The following AFF3 variants were observed in gnomAD, a reference collection of about 807,000 sequenced individuals.
AFF3 encodes the protein ALF transcription elongation factor 3, also known as AF4/FMR2 family member 3.
AFF3 carries 32 observed loss-of-function variants against 129.7 expected under a neutral mutation model. The ratio of observed to expected loss-of-function variants is 0.25; its 90% CI spans 0.19 to 0.33. AFF3 has a LOEUF of 0.33. Among genes scored for constraint, AFF3 ranks in the 10% least tolerant of loss-of-function variants. The pLI is 1.00. For synonymous variants in AFF3, 644 were observed against 635.4 expected, an observed-to-expected ratio of 1.01 and a Z score of -0.20; for missense variants, 1,373 against 1,592.0, an observed-to-expected ratio of 0.86 and a Z score of 2.34.
chr2:99,768,381 T>C (rs934173393), intron 8 of AFF3, among the ~76,000 whole-genome samples: 45 of 152,204 alleles, frequency 3.0e-4, no homozygotes, highest in African/African-American at 1.0e-3. Context: ...TATATTAATA[T>C]ATGTATATTT....
At chr2:99,893,610 G>A (rs992638792) in intron 7 of AFF3, among the ~76,000 whole-genome samples, 1 of 152,184 alleles carries the variant, frequency 6.6e-6, no homozygotes, top group South Asian at 2.1e-4. Flanking sequence ...CTGATCCTGA[G>A]CTTTTCAGCC....
intron 7 of AFF3, among the ~76,000 whole-genome samples, chr2:99,878,013 CA>C (rs1206841624): frequency 9.2e-5 from 14 of 152,150 alleles, no homozygotes; most frequent in African/African-American, 3.1e-4. Context: ...GTTCCACAGA[CA>C]TGATACTATC....
rs1558670404 is a variant in AFF3, at chr2:99,632,007, A to AT, written c.1184+17618_1184+17619insA. On this transcript the variant is annotated intron_variant, in intron 13 of 24. Coordinates refer to ENST00000672756, the MANE Select transcript of AFF3 (RefSeq NM_001386135.1). ...CCAATTTATCCACAACCTTGCCAAC[A>AT]CTTTTTTTTTTTTTTTTTTTTTTTT... Among the ~76,000 whole-genome samples, 272 of 77,938 alleles carry AT rather than the reference A, an allele frequency of 3.5e-3. 4 individuals are homozygous for AT. Among genetic ancestry groups the AT allele is most frequent in the African/African-American group, 0.013 (259 of 19,206 alleles). The allele number at this position is 77,938 out of a possible 152,430, so 51.1% of individuals were successfully genotyped here. A position where few individuals can be genotyped will look rare whatever the true frequency, so the allele number is the denominator to read the frequency against.
At chr2:99,573,327 G>A (rs1350913623) in intron 18 of AFF3, among the ~76,000 whole-genome samples, 1 of 151,960 alleles carries the variant, frequency 6.6e-6, no homozygotes, top group Non-Finnish European at 1.5e-5. Flanking sequence ...AGAAGCTCCT[G>A]GCCTTGAGAC....
intron 7 of AFF3, among the ~76,000 whole-genome samples, chr2:99,916,119 C>G (rs1695458872): frequency 6.6e-6 from 1 of 152,128 alleles, no homozygotes; most frequent in Non-Finnish European, 1.5e-5. Flanking sequence ...GGAAAAACCC[C>G]ATAACAAATC....
At position 99,672,187 on chromosome 2, in the gene AFF3, C is replaced by T. The variant is rs1687214835; in HGVS notation, c.1143+351G>A. On this transcript the variant is annotated intron_variant, in intron 12 of 24. Coordinates refer to ENST00000672756, the MANE Select transcript of AFF3 (RefSeq NM_001386135.1). ...AAGGCCAGTTAGCTTCTCACACACA[C>T]ACACACACACACACACACACACACA... is the stretch of plus-strand genomic sequence containing the variant. Among the ~76,000 whole-genome samples, 4 of 21,446 alleles carry T rather than the reference C, an allele frequency of 1.9e-4. No individual in the cohort carries two copies. In the African/African-American group the frequency reaches 4.7e-3, roughly 25 times the overall value. The allele number at this position is 21,446 out of a possible 152,430, so 14.1% of individuals were successfully genotyped here.
In AFF3 at chr2:99,769,566, G is replaced by A. The variant is rs1280963711; in HGVS notation, c.922-17265C>T. On this transcript the variant is annotated intron_variant, in intron 8 of 24. Transcript: ENST00000672756. ...ATGTTGATGCTTGCAGATGTCACCG[G>A]TGTTTGGGCACTGAATAATTAGGTC... 3.3e-5 allele frequency among the ~76,000 whole-genome samples: 5 copies of A among 152,162 alleles called. 1 individual carries two copies. In the South Asian group the frequency reaches 1.0e-3, roughly 32 times the overall value.
chr2:100,073,891 C>T (rs1277147782), intron 4 of AFF3, among the ~76,000 whole-genome samples: 2 of 152,076 alleles, frequency 1.3e-5, no homozygotes, highest in Non-Finnish European at 2.9e-5. Context: ...CATGACTTTA[C>T]GGACCTGAAT....
intron 13 of AFF3, among the ~76,000 whole-genome samples, chr2:99,637,829 T>C (rs1268283979): frequency 6.6e-6 from 1 of 152,242 alleles, no homozygotes; most frequent in East Asian, 1.9e-4. Context: ...TTTTTTTGGA[T>C]GTAAATTTAA....
At chr2:99,969,166 C>T (rs982972976) in intron 7 of AFF3, among the ~76,000 whole-genome samples, 1 of 152,178 alleles carries the variant, frequency 6.6e-6, no homozygotes, top group African/African-American at 2.4e-5. Context: ...AGGTGCACTG[C>T]CCCAGCACAT....
intron 7 of AFF3, among the ~76,000 whole-genome samples, chr2:99,961,357 A>G (rs955805534): frequency 1.4e-4 from 22 of 152,234 alleles, no homozygotes; most frequent in Admixed American, 1.1e-3. Context: ...TGCTCAAGTC[A>G]GGCTGGAAGA....
intron 11 of AFF3, among the ~76,000 whole-genome samples, chr2:99,695,938 G>GAAAAAAAAAA (rs10719354): frequency 2.9e-4 from 17 of 57,644 alleles, no homozygotes; most frequent in South Asian, 9.2e-4. Flanking sequence ...CTGGAAAAAT[G>GAAAAAAAAAA]AAAAAAAAAA....
At chr2:99,771,528 G>A (rs1387716085) in intron 8 of AFF3, among the ~76,000 whole-genome samples, 1 of 152,042 alleles carries the variant, frequency 6.6e-6, no homozygotes, top group Non-Finnish European at 1.5e-5. Context: ...GGCACAAATG[G>A]ATACAGCAAC....
intron 8 of AFF3, among the ~76,000 whole-genome samples, chr2:99,802,849 G>A (rs1252358360): frequency 6.6e-6 from 1 of 152,030 alleles, no homozygotes; most frequent in Non-Finnish European, 1.5e-5. Context: ...AAATCTAGAG[G>A]TCTTTTGGTG....
intron 7 of AFF3, among the ~76,000 whole-genome samples, chr2:99,875,138 C>T (rs148142925): frequency 1.3e-5 from 2 of 152,294 alleles, no homozygotes; most frequent in East Asian, 1.9e-4. Flanking sequence ...AGGCAATTTG[C>T]TCCCTGCTTA....
chr2:100,059,053 G>C (rs1377102062), intron 4 of AFF3, among the ~76,000 whole-genome samples: 1 of 152,056 alleles, frequency 6.6e-6, no homozygotes, highest in Non-Finnish European at 1.5e-5. Context: ...AGGAGTTCAA[G>C]ACCAGCCTGG....
chr2:99,550,431 C>G lies in AFF3; in HGVS notation c.*1043G>C. On this transcript the variant is annotated 3_prime_UTR_variant, in exon 25 of 25. Transcript: ENST00000672756. The stretch of plus-strand genomic sequence containing the variant: ...ATTATCATGGCAAATAGCTCTCAGC[C>G]TGGTAAGCGAAGGATTCAGGCTCCT... The G allele has an allele frequency of 4.3e-6, 1 of 230,850 alleles. No homozygotes were observed. The highest frequency in any genetic ancestry group is 8.6e-6 in the Non-Finnish European group (1 of 116,556). 14.3% of individuals were successfully genotyped at this position (230,850 alleles called of 1,614,324 possible). A position where few individuals can be genotyped will look rare whatever the true frequency, so the allele number is the denominator to read the frequency against.
At chr2:99,782,992 T>C (rs1287544293) in intron 8 of AFF3, among the ~76,000 whole-genome samples, 1 of 152,234 alleles carries the variant, frequency 6.6e-6, no homozygotes, top group African/African-American at 2.4e-5. Context: ...CTGAGAATTT[T>C]ATGAGAGATT....
At chr2:99,796,134 G>A (rs1277260799) in intron 8 of AFF3, among the ~76,000 whole-genome samples, 2 of 152,078 alleles carry the variant, frequency 1.3e-5, no homozygotes, top group African/African-American at 4.8e-5. Context: ...CAGAAAACCA[G>A]AATTTTAATG....
Sources: gnomAD v4.1 joint callset for allele counts (sites outside exome capture counted in the v4.1 genomes callset) on GRCh38, gnomAD v4.1.1 for gene constraint, MANE v1.5 for transcripts, NCBI Gene and HGNC (gene_info 2026-07-23, HGNC 2026-07-21) for gene names.